Variants in MYT1L observed in about 807,000 individuals in gnomAD.
The protein encoded by MYT1L is myelin transcription factor 1-like protein.
Under a neutral mutation model 126.7 loss-of-function variants are expected in MYT1L, and 12 were observed. That is an observed-to-expected ratio of 0.09 (90% CI 0.06 to 0.15). The LOEUF (loss-of-function observed/expected upper bound fraction) is 0.15. Among genes scored for constraint, MYT1L ranks in the 10% least tolerant of loss-of-function variants. The pLI is 1.00. For synonymous variants in MYT1L, 541 were observed against 604.2 expected (o/e 0.90, Z 1.53); for missense variants, 979 against 1,585.2 (o/e 0.62, Z 6.49).
intron 3 of MYT1L, among the ~76,000 whole-genome samples, chr2:2,095,782 C>A (rs1470348288): frequency 6.6e-6 from 1 of 152,188 alleles, no homozygotes; most frequent in Non-Finnish European, 1.5e-5. Context: ...TCGCCCCGGG[C>A]ACCCCCTGAC....
chr2:2,178,701 C>T (rs34069192), intron 2 of MYT1L, among the ~76,000 whole-genome samples: 6,570 of 152,210 alleles, frequency 0.043, 164 homozygotes, highest in East Asian at 0.079. Context: ...TGGCTTTTGG[C>T]ATTGTTGAAT....
chr2:2,326,650 G>A (rs891533111), intron 1 of MYT1L: 3 of 152,042 alleles, frequency 2.0e-5, no homozygotes, highest in African/African-American at 7.2e-5. Flanking sequence ...TAGCAGAACA[G>A]CCTAATACAG....
intron 2 of MYT1L, among the ~76,000 whole-genome samples, chr2:2,267,211 A>G (rs1046718788): frequency 6.6e-6 from 1 of 152,218 alleles, no homozygotes; most frequent in Non-Finnish European, 1.5e-5. Context: ...AAAAGGAGCA[A>G]CAGCCCTGTG....
rs147886399 is a variant in MYT1L at position 2,029,126 on chromosome 2, C to T, written c.-158+24852G>A. Among the ~76,000 whole-genome samples, 144 of 152,164 alleles carry T rather than the reference C, an allele frequency of 9.5e-4. 1 individual carries two copies. The highest frequency in any genetic ancestry group is 3.3e-3 in the African/African-American group (139 of 41,516). On this transcript the variant is annotated intron_variant, in intron 4 of 24. Coordinates refer to ENST00000647738, the MANE Select transcript of MYT1L (RefSeq NM_001303052.2). ...GAATAAAGAATCTGACTAAATGTAT[C>T]AAAAAGAGAAAGGTAATATTTTATT...
intron 8 of MYT1L, among the ~76,000 whole-genome samples, chr2:1,956,188 G>GCTATCTAT (rs1558529428): frequency 1.5e-5 from 1 of 64,990 alleles, no homozygotes; most frequent in South Asian, 5.2e-4. Flanking sequence ...CATTTACCTA[G>GCTATCTAT]CTGTCTATCT....
At chr2:2,184,569 G>A (rs187888924) in intron 2 of MYT1L, among the ~76,000 whole-genome samples, 155 of 152,130 alleles carry the variant, frequency 1.0e-3, no homozygotes, top group Admixed American at 3.9e-3. Context: ...AAATCTCCAG[G>A]CAAAAATATC....
chr2:2,319,360 G>C (rs2096121816), intron 1 of MYT1L: 1 of 151,998 alleles, frequency 6.6e-6, no homozygotes, highest in South Asian at 2.1e-4. Context: ...ACAGCATTCT[G>C]TTTACTGTTT....
intron 3 of MYT1L, among the ~76,000 whole-genome samples, chr2:2,081,922 T>C (rs2075876832): frequency 6.6e-6 from 1 of 152,044 alleles, no homozygotes; most frequent in Admixed American, 6.6e-5. Context: ...GTATGTTTTT[T>C]AGTAGAGACA....
intron 1 of MYT1L, among the ~76,000 whole-genome samples, chr2:2,327,446 G>A (rs1202993415): frequency 6.6e-6 from 1 of 151,998 alleles, no homozygotes. Context: ...CCTTTCTAAA[G>A]AATACTACAC....
At chr2:2,259,645 A>G (rs1231683078) in intron 2 of MYT1L, among the ~76,000 whole-genome samples, 2 of 152,190 alleles carry the variant, frequency 1.3e-5, no homozygotes, top group African/African-American at 2.4e-5. Flanking sequence ...AATTAAAATC[A>G]CATTCTGACT....
chr2:2,028,248 C>T (rs763021848), intron 4 of MYT1L, among the ~76,000 whole-genome samples: 6 of 152,338 alleles, frequency 3.9e-5, no homozygotes, highest in South Asian at 2.1e-4. Context: ...AGCACATGCT[C>T]GTAGCCCAAA....
chr2:1,803,140 T>C (rs1486659835), intron 22 of MYT1L, among the ~76,000 whole-genome samples: 1 of 152,150 alleles, frequency 6.6e-6, no homozygotes, highest in Non-Finnish European at 1.5e-5. Flanking sequence ...GATGCGGCTT[T>C]TAGTGAAACG....
chr2:1,792,381 C>G lies in MYT1L; in HGVS notation c.3360G>C (p.Glu1120Asp). 6.2e-7 allele frequency: 1 copy of G among 1,611,738 alleles called. No individual in the cohort carries two copies. The highest frequency in any genetic ancestry group is 8.5e-7 in the Non-Finnish European group (1 of 1,179,056). ...IEQQNESLLH[E>D]LANLSQSLIH... ...TCAGAGACTGGCTCAGGTTCGCCAG[C>G]TCGTGGAGGAGAGACTCGTTCTGCT... is the stretch of plus-strand genomic sequence containing the variant. The change falls in exon 24 of 25, where the codon GAG (glutamate) becomes GAC (aspartate). Residue 1120 changes from glutamate (E) to aspartate (D), a missense_variant. Glu to Asp is a conservative substitution (Grantham distance 45). Around this residue, in one of 12 missense-constraint regions of MYT1L, gnomAD observed 179 missense variants for 398.6 expected, o/e 0.45. Transcript: ENST00000647738.
At chr2:2,319,235 C>G (rs1158092481) in intron 1 of MYT1L, 1 of 152,162 alleles carries the variant, frequency 6.6e-6, no homozygotes, top group Non-Finnish European at 1.5e-5. Flanking sequence ...GGCCCTCAGT[C>G]AATAACCTAG....
At chr2:2,158,276 C>A (rs149178893) in intron 3 of MYT1L, among the ~76,000 whole-genome samples, 127 of 152,088 alleles carry the variant, frequency 8.4e-4, no homozygotes, top group African/African-American at 2.9e-3. Context: ...GGAAAAAAAA[C>A]CCACTTCTGA....
At position 2,069,941 on chromosome 2, in the gene MYT1L, T is replaced by A. The variant is rs1574968376; in HGVS notation, c.-303-15818A>T. Among the ~76,000 whole-genome samples the A allele has an allele frequency of 4.0e-5, 6 of 148,996 alleles. No individual in the cohort carries two copies. The South Asian group carries it at 9.0e-4, about 22-fold the overall frequency. ...GTTGTTTTTTCTTGTAAAATTTTTT[T>A]AAGGTACTTTCAAAAGAAGACATTT... On this transcript the variant is annotated intron_variant, in intron 3 of 24. Coordinates refer to ENST00000647738, the MANE Select transcript of MYT1L (RefSeq NM_001303052.2).
At chr2:1,877,946 A>G (rs1023633082) in intron 18 of MYT1L, among the ~76,000 whole-genome samples, 3 of 152,348 alleles carry the variant, frequency 2.0e-5, no homozygotes, top group South Asian at 2.1e-4. Context: ...GGAGAGAAAT[A>G]TCGAAGATAC....
At chr2:2,301,220 T>C (rs879365737) in intron 1 of MYT1L, among the ~76,000 whole-genome samples, 1 of 152,184 alleles carries the variant, frequency 6.6e-6, no homozygotes, top group Non-Finnish European at 1.5e-5. Flanking sequence ...CTTCTCTCTT[T>C]TCTTTGTTTC....
chr2:1,949,931 G>A (rs968453893), intron 8 of MYT1L, among the ~76,000 whole-genome samples: 1 of 152,186 alleles, frequency 6.6e-6, no homozygotes, highest in African/African-American at 2.4e-5. Context: ...ACTTATTTTG[G>A]AATAATTTTT....
Sources: allele counts gnomAD v4.1 joint callset (sites outside exome capture counted in the v4.1 genomes callset), GRCh38; gene constraint gnomAD v4.1.1; regional missense constraint gnomAD v4.1.1; transcripts MANE v1.5; gene names NCBI Gene and HGNC (gene_info 2026-07-23, HGNC 2026-07-21).